SH3GL3: variants seen among roughly 807,000 people sequenced by gnomAD.
The protein encoded by SH3GL3 is endophilin-A3.
A neutral mutation model predicts 47.7 loss-of-function variants in SH3GL3; 33 were observed. The observed-to-expected ratio is 0.69, with a 90% CI of 0.52 to 0.92. SH3GL3 has a LOEUF of 0.92. Among genes scored for constraint, SH3GL3 ranks in the 40% least tolerant of loss-of-function variants. SH3GL3 has a pLI of 0.00. For synonymous variants in SH3GL3, 155 were observed against 148.8 expected (o/e 1.04, Z -0.30); for missense variants, 363 against 417.8 (o/e 0.87, Z 1.14).
intron 7 of SH3GL3, among the ~76,000 whole-genome samples, chr15:83,588,254 C>A (rs1403849501): frequency 6.6e-6 from 1 of 152,118 alleles, no homozygotes; most frequent in Non-Finnish European, 1.5e-5. Flanking sequence ...CCTAAGCCTC[C>A]CGAGTAGCTG....
intron 6 of SH3GL3, among the ~76,000 whole-genome samples, chr15:83,582,520 C>G (rs916373376): frequency 2.4e-4 from 37 of 152,220 alleles, no homozygotes; most frequent in African/African-American, 8.9e-4. Flanking sequence ...GTTTCTTTAT[C>G]ACAAGACTTT....
At chr15:83,528,935 C>T (rs1236331765) in intron 1 of SH3GL3, among the ~76,000 whole-genome samples, 1 of 152,140 alleles carries the variant, frequency 6.6e-6, no homozygotes, top group Non-Finnish European at 1.5e-5. Flanking sequence ...TCACTTCTTC[C>T]ATTTTTTTGG....
chr15:83,553,605 C>T (rs528551336), intron 1 of SH3GL3, among the ~76,000 whole-genome samples: 4 of 152,206 alleles, frequency 2.6e-5, no homozygotes, highest in African/African-American at 9.6e-5. Flanking sequence ...ATATGGGTAT[C>T]ATAGTTTTGT....
the SH3GL3 span, among the ~76,000 whole-genome samples, chr15:83,632,859 C>A: frequency 7.6e-4 from 115 of 152,226 alleles, 1 homozygote; most frequent in African/African-American, 2.4e-3. Flanking sequence ...ATACAGAATT[C>A]TCATAATAAG....
chr15:83,622,013 T>C (rs1401910106), downstream of SH3GL3, among the ~76,000 whole-genome samples: 1 of 152,094 alleles, frequency 6.6e-6, no homozygotes, highest in East Asian at 1.9e-4. Context: ...TCCAGAACAG[T>C]TTTACATTCA....
At chr15:83,459,485 C>T (rs1312912187) in intron 1 of SH3GL3, among the ~76,000 whole-genome samples, 3 of 152,062 alleles carry the variant, frequency 2.0e-5, no homozygotes, top group Non-Finnish European at 4.4e-5. Flanking sequence ...GCTGGGATTC[C>T]GGAAAGGAAT....
At chr15:83,482,060 C>T (rs540445525) in intron 1 of SH3GL3, among the ~76,000 whole-genome samples, 1 of 152,216 alleles carries the variant, frequency 6.6e-6, no homozygotes, top group African/African-American at 2.4e-5. Flanking sequence ...CTTGCCAACA[C>T]TGGGTCTTGC....
rs550090819 is a variant in SH3GL3 at position 83,566,945 on chromosome 15, C to T, written c.188-1584C>T. On this transcript the variant is annotated intron_variant, in intron 3 of 8. Coordinates refer to ENST00000427482, the MANE Select transcript of SH3GL3 (RefSeq NM_003027.5). ...TTTAACAAGATCCTTGGGTTATTTACATACACATTAAAGTTTTGGAGGCAT... is the reference window on the plus strand; with the variant it reads ...TTTAACAAGATCCTTGGGTTATTTATATACACATTAAAGTTTTGGAGGCAT... Among the ~76,000 whole-genome samples, 4 of 152,286 alleles carry T rather than the reference C, an allele frequency of 2.6e-5. No homozygotes were observed. In the South Asian group the frequency reaches 8.3e-4, roughly 32 times the overall value.
intron 1 of SH3GL3, among the ~76,000 whole-genome samples, chr15:83,541,781 C>G (rs1281265200): frequency 1.3e-5 from 2 of 152,146 alleles, no homozygotes; most frequent in Non-Finnish European, 2.9e-5. Context: ...AATGTCTATT[C>G]AGATCTTTTG....
rs1488574345 is a variant in SH3GL3, at chr15:83,531,570, G to A, written c.46-27683G>A. Among the ~76,000 whole-genome samples, 3 of 152,300 alleles carry A rather than the reference G, an allele frequency of 2.0e-5. No individual in the cohort carries two copies. In the East Asian group the frequency reaches 5.8e-4, roughly 29 times the overall value. Reference sequence around the variant, plus strand: ...GCAGATCGTGGAAGGATGGTACACTGTGTTGAGTATGGATTTTATTTTAAA... The same window carrying A: ...GCAGATCGTGGAAGGATGGTACACTATGTTGAGTATGGATTTTATTTTAAA... On this transcript the variant is annotated intron_variant, in intron 1 of 8. Transcript: ENST00000427482.
intron 1 of SH3GL3, among the ~76,000 whole-genome samples, chr15:83,549,053 A>C (rs186200894): frequency 6.6e-6 from 1 of 152,048 alleles, no homozygotes; most frequent in Non-Finnish European, 1.5e-5. Context: ...TTGTTATTAA[A>C]CACTTCTGTT....
At chr15:83,591,915 C>T (rs573303011) in intron 8 of SH3GL3, among the ~76,000 whole-genome samples, 33 of 151,946 alleles carry the variant, frequency 2.2e-4, no homozygotes, top group African/African-American at 5.5e-4. Context: ...CCTTGTGATC[C>T]GCCCGCCTTG....
chr15:83,607,860 A>G (rs1360820631), intron 8 of SH3GL3, among the ~76,000 whole-genome samples: 5 of 149,104 alleles, frequency 3.4e-5, no homozygotes, highest in African/African-American at 1.2e-4. Flanking sequence ...AATAATAATA[A>G]TAATAATAAT....
At chr15:83,482,502 T>C (rs2041402897) in intron 1 of SH3GL3, among the ~76,000 whole-genome samples, 1 of 152,030 alleles carries the variant, frequency 6.6e-6, no homozygotes, top group Non-Finnish European at 1.5e-5. Context: ...CTTAAGTTTT[T>C]TTTTTTTTGA....
intron 6 of SH3GL3, among the ~76,000 whole-genome samples, chr15:83,579,861 G>T (rs1271772893): frequency 2.0e-5 from 3 of 152,292 alleles, no homozygotes; most frequent in Admixed American, 6.5e-5. Context: ...CAGTGTGTCT[G>T]TGCCATAGCC....
chr15:83,617,681 T>C (rs923075880), intron 8 of SH3GL3, among the ~76,000 whole-genome samples: 1 of 151,980 alleles, frequency 6.6e-6, no homozygotes, highest in Non-Finnish European at 1.5e-5. Flanking sequence ...GTCTCAAAAA[T>C]AGATAAATAA....
chr15:83,462,542 T>A (rs527377995), intron 1 of SH3GL3, among the ~76,000 whole-genome samples: 1 of 152,246 alleles, frequency 6.6e-6, no homozygotes, highest in Non-Finnish European at 1.5e-5. Flanking sequence ...CTATGCCAAG[T>A]CTTACCCAGT....
In SH3GL3 at chr15:83,572,649, T is replaced by C. The variant is rs1188202968; in HGVS notation, c.416T>C (p.Phe139Ser). The C allele has an allele frequency of 1.2e-6, 2 of 1,611,688 alleles. No homozygotes were observed. The highest frequency in any genetic ancestry group is 1.7e-6 in the Non-Finnish European group (2 of 1,177,870). Residue 139 changes from phenylalanine (F) to serine (S), a missense_variant, in exon 5 of 9, where the codon TTT becomes TCT. Physicochemically the swap from Phe to Ser is radical, Grantham distance 155. Coordinates refer to ENST00000427482, the MANE Select transcript of SH3GL3 (RefSeq NM_003027.5). ...DSLDINVKQT[F>S]IDPLQLLQDK... ...CTTGATATTAATGTAAAGCAAACTT[T>C]TATTGATCCACTTCAGTTACTACAA...
At chr15:83,629,010 A>G in the SH3GL3 span, among the ~76,000 whole-genome samples, 1 of 152,236 alleles carries the variant, frequency 6.6e-6, no homozygotes, top group Non-Finnish European at 1.5e-5. Context: ...CAATGCCTTC[A>G]GAAAGTACAA....
Sources: allele counts gnomAD v4.1 joint callset (sites outside exome capture counted in the v4.1 genomes callset), GRCh38; gene constraint gnomAD v4.1.1; transcripts MANE v1.5; gene names NCBI Gene and HGNC (gene_info 2026-07-23, HGNC 2026-07-21).